Variants in TMEM132B observed in about 807,000 individuals in gnomAD.
TMEM132B encodes transmembrane protein 132B.
TMEM132B carries 18 observed loss-of-function variants against 90.8 expected under a neutral mutation model. The observed-to-expected ratio is 0.20, with a 90% CI of 0.14 to 0.29. TMEM132B has a LOEUF of 0.29. Ranked by LOEUF, TMEM132B falls within the 10% of genes least tolerant of loss-of-function variation. The pLI is 1.00. For synonymous variants in TMEM132B, 504 were observed against 523.3 expected (o/e 0.96, Z 0.50); for missense variants, 1,096 against 1,326.8 (o/e 0.83, Z 2.70).
chr12:125,311,017 T>C (rs1204596941), intron 1 of TMEM132B, among the ~76,000 whole-genome samples: 1 of 152,160 alleles, frequency 6.6e-6, no homozygotes, highest in East Asian at 1.9e-4. Context: ...CCTTTTGGGG[T>C]GGAATATTTC....
intron 2 of TMEM132B, among the ~76,000 whole-genome samples, chr12:125,382,934 A>T (rs1187572937): frequency 6.6e-6 from 1 of 152,196 alleles, no homozygotes; most frequent in African/African-American, 2.4e-5. Flanking sequence ...AGGTAAAGGT[A>T]GGGGTCCTGT....
At position 125,521,025 on chromosome 12, in the gene TMEM132B, G is replaced by A. The variant is rs75482029; in HGVS notation, c.1293+1400G>A. Among the ~76,000 whole-genome samples, 577 of 152,330 alleles carry A rather than the reference G, an allele frequency of 3.8e-3. 3 individuals carry two copies. Among genetic ancestry groups the A allele is most frequent in the African/African-American group, 0.013 (533 of 41,578 alleles). On this transcript the variant is annotated intron_variant, in intron 4 of 8. Coordinates refer to ENST00000682704, the MANE Select transcript of TMEM132B (RefSeq NM_001366854.1). ...GAGATGGATGGGTGTGGGTTTTAAG[G>A]TGGAATGAAACTGCATCCCTTGTGC...
At chr12:125,516,143 TCA>T (rs539538650) in intron 3 of TMEM132B, among the ~76,000 whole-genome samples, 4 of 150,704 alleles carry the variant, frequency 2.7e-5, no homozygotes, top group Non-Finnish European at 3.0e-5. Flanking sequence ...ACACACACAC[TCA>T]CACACTATCA....
chr12:125,476,955 CA>C (rs973617753), intron 3 of TMEM132B, among the ~76,000 whole-genome samples: 1 of 152,096 alleles, frequency 6.6e-6, no homozygotes, highest in African/African-American at 2.4e-5. Flanking sequence ...TGAAACAACA[CA>C]AAAAATCTTC....
intron 3 of TMEM132B, among the ~76,000 whole-genome samples, chr12:125,461,820 C>T (rs1421094200): frequency 6.6e-6 from 1 of 152,232 alleles, no homozygotes; most frequent in Non-Finnish European, 1.5e-5. Flanking sequence ...TGCCTTCTTC[C>T]TTTGCATCCC....
chr12:125,652,176 A>G (rs1886939013), intron 7 of TMEM132B, among the ~76,000 whole-genome samples: 1 of 152,234 alleles, frequency 6.6e-6, no homozygotes, highest in Middle Eastern at 3.2e-3. Flanking sequence ...TATTGCCTGT[A>G]AGTTAAATCA....
At chr12:125,293,731 C>T (rs1875600182) in intron 1 of TMEM132B, among the ~76,000 whole-genome samples, 2 of 152,298 alleles carry the variant, frequency 1.3e-5, no homozygotes, top group South Asian at 4.1e-4. Context: ...CATGTATTTG[C>T]TATTGTGAAT....
At chr12:125,309,827 A>G (rs1876081690) in intron 1 of TMEM132B, among the ~76,000 whole-genome samples, 1 of 152,174 alleles carries the variant, frequency 6.6e-6, no homozygotes, top group Non-Finnish European at 1.5e-5. Context: ...TATTTTGCTC[A>G]CTAGTTTAGA....
intron 1 of TMEM132B, among the ~76,000 whole-genome samples, chr12:125,198,223 A>G (rs2136054700): frequency 6.6e-6 from 1 of 152,346 alleles, no homozygotes; most frequent in Admixed American, 6.5e-5. Flanking sequence ...GTATGTCACT[A>G]TTTTAGTCTG....
chr12:125,586,491 A>G (rs1039607954), intron 5 of TMEM132B: 1 of 152,250 alleles, frequency 6.6e-6, no homozygotes, highest in East Asian at 1.9e-4. Flanking sequence ...ACTGTGGTCA[A>G]TCACAGTCCA....
intron 5 of TMEM132B, among the ~76,000 whole-genome samples, chr12:125,609,919 C>G (rs1885785682): frequency 6.8e-6 from 1 of 146,206 alleles, no homozygotes; most frequent in Non-Finnish European, 1.5e-5. Context: ...TTTATTTCAA[C>G]AATGGTTTGG....
intron 1 of TMEM132B, among the ~76,000 whole-genome samples, chr12:125,333,777 GATTA>G (rs1302780840): frequency 6.6e-6 from 1 of 152,182 alleles, no homozygotes; most frequent in Non-Finnish European, 1.5e-5. Context: ...ATTTTTGTGT[GATTA>G]ATTCAATTTT....
intron 1 of TMEM132B, among the ~76,000 whole-genome samples, chr12:125,191,981 T>C (rs1872805435): frequency 6.6e-6 from 1 of 152,126 alleles, no homozygotes; most frequent in South Asian, 2.1e-4. Context: ...GCACAGGGCA[T>C]GAGTCCCAGG....
chr12:125,278,203 T>C (rs12368318), intron 1 of TMEM132B, among the ~76,000 whole-genome samples: 24,015 of 152,226 alleles, frequency 0.16, 2,419 homozygotes, highest in African/African-American at 0.28. Context: ...TGCCTATTCA[T>C]ATACATATTG....
At chr12:125,361,767 A>T (rs779767963) in intron 2 of TMEM132B, among the ~76,000 whole-genome samples, 15 of 152,136 alleles carry the variant, frequency 9.9e-5, no homozygotes, top group Admixed American at 2.0e-4. Context: ...TTACCCCCCA[A>T]ATCTGCCTTG....
At chr12:125,585,310 T>C (rs10846924) in intron 5 of TMEM132B, 109,995 of 152,044 alleles carry the variant, frequency 0.72, 40,139 homozygotes, top group Middle Eastern at 0.84. Context: ...CCTTGTATTC[T>C]GTAGGCAGGT....
At position 125,644,301 on chromosome 12, in the gene TMEM132B, G is replaced by A. The variant is rs367561921; in HGVS notation, c.1643+20G>A. ...CAGAAGGTGAGGAATCAAAGAGAAG[G>A]CTGTGGATCCGATTGTCCTGGAGTC... On this transcript the variant is annotated intron_variant, in intron 6 of 8. Transcript: ENST00000682704. The A allele has an allele frequency of 2.2e-4, 348 of 1,612,938 alleles. No individual in the cohort carries two copies. Among genetic ancestry groups the A allele is most frequent in the Non-Finnish European group, 2.8e-4 (335 of 1,179,500 alleles).
Position 125,406,129 on chromosome 12 carries a change from G to T in TMEM132B, c.960-9402G>T, listed in dbSNP as rs1879467481. ...AAACGTTAGTAGATATGCTTAACTA[G>T]ATCTTTTTGCTAGTGAATTTCCAGT... On this transcript the variant is annotated intron_variant, in intron 2 of 8. Coordinates refer to ENST00000682704, the MANE Select transcript of TMEM132B (RefSeq NM_001366854.1). This position sits in a 1 kb window ranked among gnomAD's most constrained non-coding sequence, Gnocchi z 8.3. 6.6e-6 allele frequency among the ~76,000 whole-genome samples: 1 copy of T among 152,184 alleles called. No homozygotes were observed.
chr12:125,321,322 A>G (rs1303668388), intron 1 of TMEM132B, among the ~76,000 whole-genome samples: 1 of 152,222 alleles, frequency 6.6e-6, no homozygotes, highest in Admixed American at 6.5e-5. Flanking sequence ...GGAAAAGTCA[A>G]ATTAATACCA....
Sources: gnomAD v4.1 joint callset for allele counts (sites outside exome capture counted in the v4.1 genomes callset) on GRCh38, gnomAD v4.1.1 for gene constraint, Gnocchi (gnomAD v3.1) non-coding constraint, MANE v1.5 for transcripts, NCBI Gene and HGNC (gene_info 2026-07-23, HGNC 2026-07-21) for gene names.